The following HLA-DPA1 variants were observed in gnomAD, a reference collection of about 807,000 sequenced individuals.
HLA-DPA1 encodes major histocompatibility complex, class II, DP alpha 1, also known as HLA class II histocompatibility antigen, DP alpha 1 chain.
Under a neutral mutation model 21.5 loss-of-function variants are expected in HLA-DPA1, and 20 were observed. That is an observed-to-expected ratio of 0.93 (90% CI 0.66 to 1.35). The LOEUF is 1.35. Ranked by LOEUF, HLA-DPA1 falls within the 40% of genes most tolerant of loss-of-function variation. The pLI is 0.00. For missense variants in HLA-DPA1, 279 were observed against 323.0 expected (o/e 0.86, Z 1.05); for synonymous variants, 123 against 129.6 (o/e 0.95, Z 0.35).
At chr6:33,078,900 C>A (rs1182235733) in intron 1 of HLA-DPA1, among the ~76,000 whole-genome samples, 1 of 152,082 alleles carries the variant, frequency 6.6e-6, no homozygotes, top group Non-Finnish European at 1.5e-5. Context: ...CAGGCAGGGG[C>A]GGATGGATGG....
intron 1 of HLA-DPA1, among the ~76,000 whole-genome samples, chr6:33,078,021 G>A (rs867077277): frequency 1.3e-5 from 2 of 152,068 alleles, no homozygotes; most frequent in Non-Finnish European, 2.9e-5. Context: ...AGCAGCACTG[G>A]TGACACTGAA....
intron 2 of HLA-DPA1, among the ~76,000 whole-genome samples, chr6:33,071,344 G>A (rs1344231218): frequency 6.6e-6 from 1 of 152,142 alleles, no homozygotes; most frequent in African/African-American, 2.4e-5. Context: ...AGGACTCAAA[G>A]GACTCATCAG....
At chr6:33,077,018 C>T (rs113711225) in intron 1 of HLA-DPA1, among the ~76,000 whole-genome samples, 3,298 of 151,744 alleles carry the variant, frequency 0.022, 53 homozygotes, top group Non-Finnish European at 0.037. Flanking sequence ...GTGCTGCACC[C>T]ATTAACTCGT....
At chr6:33,079,153 TAA>T (rs2150370282) in intron 1 of HLA-DPA1, among the ~76,000 whole-genome samples, 1 of 152,338 alleles carries the variant, frequency 6.6e-6, no homozygotes, top group South Asian at 2.1e-4. Flanking sequence ...GTGAGGTTAA[TAA>T]ACTGGAGAAG....
intron 2 of HLA-DPA1, among the ~76,000 whole-genome samples, chr6:33,072,954 C>T (rs2150363150): frequency 6.6e-6 from 1 of 152,286 alleles, no homozygotes; most frequent in South Asian, 2.1e-4. Context: ...TACAGAAACA[C>T]TCTTTGCACT....
intron 1 of HLA-DPA1, chr6:33,076,177 T>G: frequency 7.1e-7 from 1 of 1,406,240 alleles, no homozygotes; most frequent in Non-Finnish European, 9.9e-7. Context: ...AGGGTCTGGC[T>G]CAGGGAACAA....
At chr6:33,073,749 G>T in intron 1 of HLA-DPA1, 100 bp from the exon 1 acceptor site, 1 of 573,860 alleles carries the variant, frequency 1.7e-6, no homozygotes, top group Non-Finnish European at 3.1e-6. Flanking sequence ...CTCTGTTGCT[G>T]GGTAAAGAGG....
intron 3 of HLA-DPA1, 129 bp downstream of exon 2, chr6:33,069,512 G>T: frequency 8.1e-7 from 1 of 1,239,432 alleles, no homozygotes; most frequent in Non-Finnish European, 1.2e-6. Context: ...AGTGGGATCA[G>T]CCCATGGCCA....
chr6:33,072,027 C>T (rs9277342), intron 2 of HLA-DPA1, among the ~76,000 whole-genome samples: 31,672 of 150,816 alleles, frequency 0.21, 4,120 homozygotes, highest in East Asian at 0.6. Context: ...TCAGAATTGC[C>T]GAGATCTCAG....
chr6:33,071,700 G>A (rs2150361872), intron 2 of HLA-DPA1, among the ~76,000 whole-genome samples: 1 of 152,332 alleles, frequency 6.6e-6, no homozygotes, highest in South Asian at 2.1e-4. Flanking sequence ...GATAAGTGCA[G>A]ATACGTAGGT....
chr6:33,067,158 T>G (rs952761374), intron 5 of HLA-DPA1: 1 of 152,156 alleles, frequency 6.6e-6, no homozygotes, highest in African/African-American at 2.4e-5. Flanking sequence ...CCAGGAATGA[T>G]CCAGGTATCC....
At chr6:33,075,034 C>T (rs976013536) in intron 1 of HLA-DPA1, among the ~76,000 whole-genome samples, 44 of 152,160 alleles carry the variant, frequency 2.9e-4, no homozygotes, top group African/African-American at 1.1e-3. Context: ...AACAGGATCA[C>T]ATTTATAAGT....
At chr6:33,068,769 C>G in exon 5 of HLA-DPA1, 1 of 1,613,014 alleles carries the variant, frequency 6.2e-7, no homozygotes, top group Non-Finnish European at 8.5e-7. Flanking sequence ...AGCACAGTCT[C>G]CGTTGTCTCA....
At chr6:33,079,602 G>A (rs984129518) in intron 1 of HLA-DPA1, 2 of 453,538 alleles carry the variant, frequency 4.4e-6, no homozygotes, top group South Asian at 3.4e-5. Context: ...AGGTCCAAGG[G>A]CCAGATCTTG....
chr6:33,069,558 G>A lies in HLA-DPA1; in HGVS notation c.346+83C>T, dbSNP rs373305297. 3.2e-6 allele frequency: 5 copies of A among 1,538,970 alleles called. No homozygotes were observed. The East Asian group carries it at 1.1e-4, about 35-fold the overall frequency. Reference sequence around the variant, plus strand: ...AGGATCACACAGCAGGGGGCACTTAGGCTTCCTAGTCTGAGGGTGGCAGAG... The same window carrying A: ...AGGATCACACAGCAGGGGGCACTTAAGCTTCCTAGTCTGAGGGTGGCAGAG... On this transcript the variant is annotated intron_variant, in intron 3 of 5. Transcript: ENST00000419277.
chr6:33,069,706 A>G (rs1387245703), exon 3 of HLA-DPA1: 2 of 1,612,778 alleles, frequency 1.2e-6, no homozygotes, highest in Non-Finnish European at 8.5e-7. Context: ...CAATATAGCA[A>G]TGTTAGCCAG....
chr6:33,075,483 G>A lies in HLA-DPA1; in HGVS notation c.-99-1814C>T, dbSNP rs142884036. 3.4e-3 allele frequency among the ~76,000 whole-genome samples: 524 copies of A among 152,220 alleles called. 3 individuals carry two copies. The highest frequency in any genetic ancestry group is 0.025 in the East Asian group (130 of 5,178). On this transcript the variant is annotated intron_variant, in intron 1 of 5. Transcript: ENST00000419277. ...CCTCTGGGAGAAAGTAAATATGAATGGGTGCTAATCTTAAACACACCCTTG... is the reference window on the plus strand; with the variant it reads ...CCTCTGGGAGAAAGTAAATATGAATAGGTGCTAATCTTAAACACACCCTTG...
chr6:33,072,598 T>C (rs907499144), intron 2 of HLA-DPA1, among the ~76,000 whole-genome samples: 1 of 152,188 alleles, frequency 6.6e-6, no homozygotes, highest in Non-Finnish European at 1.5e-5. Flanking sequence ...ACCTCCTCTT[T>C]ATTCTACACA....
At position 33,080,462 on chromosome 6, in the gene HLA-DPA1, T is replaced by C. The variant is rs1301434521; in HGVS notation, c.-100+218A>G. 12 of 749,564 alleles carry C rather than the reference T, an allele frequency of 1.6e-5. No homozygotes were observed. Among genetic ancestry groups the C allele is most frequent in the Admixed American group, 6.0e-5 (3 of 49,744 alleles). 46.4% of individuals were successfully genotyped at this position (749,564 alleles called of 1,614,324 possible). On this transcript the variant is annotated intron_variant, in intron 1 of 5. Coordinates refer to ENST00000419277, the Ensembl canonical transcript of HLA-DPA1. The surrounding 1 kb of genome is among the most constrained non-coding windows in gnomAD (Gnocchi z 4.3). ...GTGCCCCTGAGCTCATTCTTTTCAG[T>C]AAATTCTCTCTCTGCGTGGTGAGAA... is the stretch of plus-strand genomic sequence containing the variant.
Sources: allele counts gnomAD v4.1 joint callset (sites outside exome capture counted in the v4.1 genomes callset), GRCh38; gene constraint gnomAD v4.1.1; non-coding constraint Gnocchi (gnomAD v3.1); transcripts MANE v1.5; gene names NCBI Gene and HGNC (gene_info 2026-07-23, HGNC 2026-07-21).